SVIL: variants seen among roughly 807,000 people sequenced by gnomAD.
SVIL encodes the protein supervillin.
SVIL carries 101 observed loss-of-function variants against 240.4 expected under a neutral mutation model. The observed-to-expected ratio is 0.42, with a 90% CI of 0.36 to 0.50. SVIL has a LOEUF of 0.50. Among genes scored for constraint, SVIL ranks in the 20% least tolerant of loss-of-function variants. The pLI is 0.01. For missense variants in SVIL, 2,512 were observed against 2,818.7 expected (o/e 0.89, Z 2.46); for synonymous variants, 999 against 1,100.0 (o/e 0.91, Z 1.82).
chr10:29,592,361 G>A lies in SVIL; in HGVS notation c.-200-23049C>T, dbSNP rs533088546. 1.1e-3 allele frequency among the ~76,000 whole-genome samples: 172 copies of A among 152,278 alleles called. 1 individual carries two copies. Among genetic ancestry groups the A allele is most frequent in the Middle Eastern group, 3.4e-3 (1 of 294 alleles). On this transcript the variant is annotated intron_variant, in intron 1 of 37. Transcript: ENST00000355867. ...ATTTTCCAACATGTTACCTATTTCC[G>A]AATAAGAAAATAAAGCCTCTTCGAT...
At position 29,532,674 on chromosome 10, in the gene SVIL, G is replaced by T; in HGVS notation, c.1693C>A (p.Pro565Thr). The T allele has an allele frequency of 6.2e-7, 1 of 1,614,158 alleles. No individual in the cohort carries two copies. Among genetic ancestry groups the T allele is most frequent in the Non-Finnish European group, 8.5e-7 (1 of 1,180,032 alleles). Residue 565 changes from proline (P) to threonine (T), a missense_variant, in exon 8 of 38, where the codon CCA (proline) becomes ACA (threonine). By Grantham distance (38) the Pro-to-Thr change is conservative. Around this residue, in one of 3 missense-constraint regions of SVIL, gnomAD observed 1,443 missense variants for 1,486.6 expected, o/e 0.97. Coordinates refer to ENST00000355867, the MANE Select transcript of SVIL (RefSeq NM_021738.3). ...PQLQALKYKD[P>T]ASRRELELPS... ...AGCTCCAGCTCTCTCCTGGAAGCTG[G>T]GTCCTTATACTTCAAGGCCTGGAGC... is the stretch of plus-strand genomic sequence containing the variant.
intron 6 of SVIL, 45 bp downstream of exon 6, chr10:29,550,552 G>T (rs751245299): frequency 7.3e-6 from 11 of 1,513,906 alleles, no homozygotes; most frequent in African/African-American, 1.4e-5. Flanking sequence ...CAAAAAGAAG[G>T]TATTGTCCTG....
chr10:29,584,438 G>T (rs1956077384), intron 1 of SVIL, among the ~76,000 whole-genome samples: 1 of 152,232 alleles, frequency 6.6e-6, no homozygotes. Flanking sequence ...TGCATGCACA[G>T]GGGGTCTGGA....
Position 29,457,416 on chromosome 10 carries a change from A to AATGT in SVIL, c.*830_*831insACAT, listed in dbSNP as rs1389052040. 8 of 134,524 alleles carry AATGT rather than the reference A, an allele frequency of 5.9e-5. No individual in the cohort carries two copies. In the East Asian group the frequency reaches 1.2e-3, roughly 20 times the overall value. The allele number at this position is 134,524 out of a possible 1,614,324, so 8.3% of individuals were successfully genotyped here. On this transcript the variant is annotated 3_prime_UTR_variant, in exon 38 of 38. Coordinates refer to ENST00000355867, the MANE Select transcript of SVIL (RefSeq NM_021738.3). ...TCCTATATCACAAAATGACATGTGT[A>AATGT]CTGTTTACAACCGGTATTAGAAATT...
chr10:29,690,914 G>A (rs905560850), intron 1 of SVIL, among the ~76,000 whole-genome samples: 4 of 152,100 alleles, frequency 2.6e-5, no homozygotes, highest in East Asian at 3.9e-4. Flanking sequence ...TTTTTCTTAC[G>A]TTCAAATGTT....
chr10:29,649,318 T>C (rs557865794), intron 3 of SVIL, among the ~76,000 whole-genome samples: 1 of 152,210 alleles, frequency 6.6e-6, no homozygotes, highest in South Asian at 2.1e-4. Flanking sequence ...TGAAGATGCT[T>C]CTTTCAATGT....
At chr10:29,470,586 G>T (rs575774967) in intron 31 of SVIL, 103 bp from the exon 32 acceptor site, 232 of 1,348,620 alleles carry the variant, frequency 1.7e-4, no homozygotes, top group Non-Finnish European at 2.3e-4. Context: ...AGCCACCTCC[G>T]TCCAGGGCCA....
At chr10:29,583,856 G>A (rs192067660) in intron 1 of SVIL, among the ~76,000 whole-genome samples, 336 of 152,292 alleles carry the variant, frequency 2.2e-3, no homozygotes, top group Non-Finnish European at 3.7e-3. Flanking sequence ...CTCAAGACAC[G>A]TTTATGCGTG....
At chr10:29,574,254 G>GA (rs1564661130) in intron 1 of SVIL, among the ~76,000 whole-genome samples, 1 of 152,184 alleles carries the variant, frequency 6.6e-6, no homozygotes, top group African/African-American at 2.4e-5. Context: ...ATGGGCGTGC[G>GA]AACCTGCTTT....
intron 1 of SVIL, among the ~76,000 whole-genome samples, chr10:29,715,259 C>A (rs1476604218): frequency 6.6e-6 from 1 of 152,128 alleles, no homozygotes; most frequent in Admixed American, 6.5e-5. Context: ...ATTTTGTATT[C>A]AACACACAAA....
At chr10:29,564,035 AT>A (rs1954751055) in intron 2 of SVIL, among the ~76,000 whole-genome samples, 1 of 152,150 alleles carries the variant, frequency 6.6e-6, no homozygotes, top group Non-Finnish European at 1.5e-5. Flanking sequence ...AAAGGTACGA[AT>A]GGCCCTGCCC....
chr10:29,561,286 G>A (rs1311046121), intron 3 of SVIL, among the ~76,000 whole-genome samples: 1 of 152,122 alleles, frequency 6.6e-6, no homozygotes, highest in Non-Finnish European at 1.5e-5. Flanking sequence ...AAGCTTAGGT[G>A]TTCTAAAAGT....
rs1953903857 is a variant in SVIL at position 29,556,045 on chromosome 10, A to G, written c.-50-937T>C. Among the ~76,000 whole-genome samples, 6 of 152,324 alleles carry G rather than the reference A, an allele frequency of 3.9e-5. No homozygotes were observed. In the South Asian group the frequency reaches 1.2e-3, roughly 32 times the overall value. ...GATGATGGGTAAGGTAATTACCCCA[A>G]TGTTTCTGGCAGCACTGGAGAAACA... On this transcript the variant is annotated intron_variant, in intron 3 of 37. Transcript: ENST00000355867.
intron 26 of SVIL, 118 bp downstream of exon 26, chr10:29,485,967 A>G (rs1489471980): frequency 1.8e-5 from 21 of 1,166,812 alleles, no homozygotes; most frequent in Non-Finnish European, 2.4e-5. Flanking sequence ...AATGTTCTAC[A>G]ATGGATACCG....
At chr10:29,517,390 G>C (rs1241492379) in intron 16 of SVIL, among the ~76,000 whole-genome samples, 1 of 152,126 alleles carries the variant, frequency 6.6e-6, no homozygotes, top group East Asian at 1.9e-4. Flanking sequence ...TCGCACCACT[G>C]CACTCCAGCC....
rs778362816 is a variant in SVIL at position 29,512,739 on chromosome 10, T to G, written c.3512A>C (p.Lys1171Thr). The change falls in exon 17 of 38, where the codon AAG becomes ACG. Residue 1171 changes from lysine (K) to threonine (T), a missense_variant. This residue lies in a region of SVIL where 1,443 missense variants were observed against 1,486.6 expected (regional missense o/e 0.97). Transcript: ENST00000355867. Reference protein sequence around the residue: ...HTQEAGRSLIKKRVTESRESQ... With the variant: ...HTQEAGRSLITKRVTESRESQ... Reference sequence around the variant, plus strand: ...TCCTAACATGGGGAATGTTACCTTCTTGATGAGGGACCGCCCTGCTTCCTG... The same window carrying G: ...TCCTAACATGGGGAATGTTACCTTCGTGATGAGGGACCGCCCTGCTTCCTG... The G allele has an allele frequency of 1.1e-5, 18 of 1,614,028 alleles. No homozygotes were observed. Among genetic ancestry groups the G allele is most frequent in the Non-Finnish European group, 1.5e-5 (18 of 1,180,050 alleles).
At chr10:29,538,532 T>G (rs965172819) in intron 6 of SVIL, among the ~76,000 whole-genome samples, 2 of 152,260 alleles carry the variant, frequency 1.3e-5, no homozygotes, top group Admixed American at 1.3e-4. Flanking sequence ...AATTCTGTTC[T>G]TCTCCTGGGC....
chr10:29,533,591 G>A, intron 7 of SVIL, 133 bp from the exon 8 acceptor site: 1 of 1,404,888 alleles, frequency 7.1e-7, no homozygotes, highest in Non-Finnish European at 9.3e-7. Flanking sequence ...AAGCATTTTG[G>A]TGTCTAATGT....
At position 29,640,880 on chromosome 10, in the gene SVIL, G is replaced by A. The variant is rs1226247048; in HGVS notation, c.-201+17089C>T. Among the ~76,000 whole-genome samples, 8 of 151,966 alleles carry A rather than the reference G, an allele frequency of 5.3e-5. No individual in the cohort carries two copies. The East Asian group carries it at 9.6e-4, about 18-fold the overall frequency. ...GCCACTTCCAGAATGGCCTTTAAAC[G>A]GCCCCACCCTGCCTGCTCACTCCCA... On this transcript the variant is annotated intron_variant, in intron 3 of 35. Transcript: ENST00000375400.
Sources: allele counts gnomAD v4.1 joint callset (sites outside exome capture counted in the v4.1 genomes callset), GRCh38; gene constraint gnomAD v4.1.1; regional missense constraint gnomAD v4.1.1; transcripts MANE v1.5; gene names NCBI Gene and HGNC (gene_info 2026-07-23, HGNC 2026-07-21).